The following TMC4 variants were observed in gnomAD, a reference collection of about 807,000 sequenced individuals.
TMC4 encodes the protein transmembrane channel like 4.
Under a neutral mutation model 82.0 loss-of-function variants are expected in TMC4, and 70 were observed. That is an observed-to-expected ratio of 0.85 (90% CI 0.70 to 1.04). The LOEUF (loss-of-function observed/expected upper bound fraction) is 1.04. Among genes scored for constraint, TMC4 ranks in the 50% least tolerant of loss-of-function variants. The pLI is 0.00. For synonymous variants in TMC4, 446 were observed against 406.0 expected, an observed-to-expected ratio of 1.10 and a Z score of -1.18; for missense variants, 879 against 899.0, an observed-to-expected ratio of 0.98 and a Z score of 0.28.
At chr19:54,167,825 G>A (rs535575328) in intron 5 of TMC4, among the ~76,000 whole-genome samples, 6 of 152,064 alleles carry the variant, frequency 3.9e-5, no homozygotes, top group Non-Finnish European at 5.9e-5. Context: ...CACTGTGGGA[G>A]GCCGAGGCGG....
chr19:54,161,408 G>C, intron 11 of TMC4, 148 bp from the exon 12 acceptor site: 1 of 917,646 alleles, frequency 1.1e-6, no homozygotes, highest in Non-Finnish European at 1.5e-6. Flanking sequence ...GCCCAGGCTG[G>C]AGTGCAGTGG....
rs1268168285 is a variant in TMC4, at chr19:54,168,881, T to C, written c.443-201A>G. Among the ~76,000 whole-genome samples the C allele has an allele frequency of 2.9e-3, 115 of 39,606 alleles. 2 individuals are homozygous for C. Among genetic ancestry groups the C allele is most frequent in the Middle Eastern group, 7.9e-3 (1 of 126 alleles). The allele number at this position is 39,606 out of a possible 152,430, so 26.0% of individuals were successfully genotyped here. A position where few individuals can be genotyped will look rare whatever the true frequency, so the allele number is the denominator to read the frequency against. On this transcript the variant is annotated intron_variant, in intron 3 of 14. Transcript: ENST00000619895. ...TCTTTTCTTTTCTTTTCTTTTCTTT[T>C]CTTTTCTTTCTTTCCTTTCTTTCTT...
rs1210475419 is a variant in TMC4, at chr19:54,165,557, A to C, written c.807T>G (p.Ser269=). 1.9e-6 allele frequency: 3 copies of C among 1,603,058 alleles called. No homozygotes were observed. The highest frequency in any genetic ancestry group is 1.3e-5 in the African/African-American group (1 of 74,780). Reference sequence around the variant, plus strand: ...CCGCCAGCAGTGTCTGCTTCAGCCCAGACACCGAGCTGAGAGGGGAGACCC... The same window carrying C: ...CCGCCAGCAGTGTCTGCTTCAGCCCCGACACCGAGCTGAGAGGGGAGACCC... ...CLLLILHRSV[S]GLKQTLLAES... The change falls in exon 6 of 15, where the codon TCT becomes TCG. Residue 269 remains serine, a synonymous_variant. Transcript: ENST00000619895.
chr19:54,161,048 G>A lies in TMC4; in HGVS notation c.1818-15C>T. 6.2e-7 allele frequency: 1 copy of A among 1,613,974 alleles called. No individual in the cohort carries two copies. Among genetic ancestry groups the A allele is most frequent in the Non-Finnish European group, 8.5e-7 (1 of 1,179,920 alleles). On this transcript the variant is annotated splice_polypyrimidine_tract_variant and intron_variant, in intron 12 of 14. Transcript: ENST00000619895. The stretch of plus-strand genomic sequence containing the variant: ...AAGGCGGGATCCTGAAGTCAAGACA[G>A]GCTGGGCTCACATAGTGCCAGGAGT...
chr19:54,161,365 G>C, intron 11 of TMC4, 105 bp from the exon 12 acceptor site: 1 of 1,280,840 alleles, frequency 7.8e-7, no homozygotes, highest in Non-Finnish European at 1.0e-6. Context: ...TGTCGCCCAG[G>C]CTTTTTTTTT....
At chr19:54,165,274 T>A in intron 6 of TMC4, 145 bp downstream of exon 6, 1 of 986,646 alleles carries the variant, frequency 1.0e-6, no homozygotes, top group East Asian at 2.7e-5. Flanking sequence ...CTCAACCTTC[T>A]CATTCCCCAG....
chr19:54,162,978 C>T, intron 9 of TMC4, 55 bp downstream of exon 9: 1 of 1,613,530 alleles, frequency 6.2e-7, no homozygotes, highest in Non-Finnish European at 8.5e-7. Flanking sequence ...ACCCACCCAG[C>T]TCCATCTTTC....
In TMC4 at chr19:54,161,337, T is replaced by G. The variant is rs868117668; in HGVS notation, c.1687-77A>C. On this transcript the variant is annotated intron_variant, in intron 11 of 14. Transcript: ENST00000619895. ...CTCCATTTTTTTTTTTTTTTTTTTT[T>G]GAGACAGAGTCTCGCTCTGTCGCCC... is the stretch of plus-strand genomic sequence containing the variant. The G allele has an allele frequency of 1.9e-3, 1,926 of 1,035,768 alleles. 13 individuals are homozygous for G. The African/African-American group carries it at 0.036, about 19-fold the overall frequency. 64.2% of individuals were successfully genotyped at this position (1,035,768 alleles called of 1,614,324 possible). A position where few individuals can be genotyped will look rare whatever the true frequency, so the allele number is the denominator to read the frequency against.
In TMC4 at chr19:54,168,895, C is replaced by T. The variant is rs1407089843; in HGVS notation, c.443-215G>A. Among the ~76,000 whole-genome samples, 133 of 16,148 alleles carry T rather than the reference C, an allele frequency of 8.2e-3. 13 individuals carry two copies. Among genetic ancestry groups the T allele is most frequent in the African/African-American group, 0.018 (51 of 2,842 alleles). The allele number at this position is 16,148 out of a possible 152,430, so 10.6% of individuals were successfully genotyped here. On this transcript the variant is annotated intron_variant, in intron 3 of 14. Coordinates refer to ENST00000619895, the MANE Select transcript of TMC4 (RefSeq NM_144686.4). The stretch of plus-strand genomic sequence containing the variant: ...TTCTTTTCTTTTCTTTTCTTTCTTT[C>T]CTTTCTTTCTTCTTTCTTTCCTTCC...
chr19:54,161,317 T>A (rs2075546758), intron 11 of TMC4, 57 bp from the exon 12 acceptor site: 4 of 87,190 alleles, frequency 4.6e-5, no homozygotes, highest in Non-Finnish European at 6.6e-5. Context: ...TGTGCCTCCA[T>A]TTTTTTTTTT....
At chr19:54,165,070 C>CTTTTTTTTTTT (rs34861271) in intron 6 of TMC4, among the ~76,000 whole-genome samples, 1 of 136,048 alleles carries the variant, frequency 7.4e-6, no homozygotes, top group African/African-American at 2.8e-5. Flanking sequence ...AAAAAACAAA[C>CTTTTTTTTTTT]TTTTTTTTTT....
chr19:54,162,589 A>C, intron 10 of TMC4, 84 bp downstream of exon 10: 1 of 1,123,154 alleles, frequency 8.9e-7, no homozygotes, highest in Non-Finnish European at 1.3e-6. Flanking sequence ...GAATGGTAAA[A>C]AGGTGCGCGG....
intron 5 of TMC4, 146 bp downstream of exon 5, chr19:54,168,025 T>C (rs2075746505): frequency 8.8e-6 from 9 of 1,020,206 alleles, no homozygotes; most frequent in Non-Finnish European, 1.1e-5. Context: ...ATTGCGCCAC[T>C]ACACTCTAGC....
chr19:54,168,809 TTTCTTTTCTTTTCTTTTCTTTTC>T, intron 3 of TMC4, 129 bp from the exon 4 acceptor site: 1 of 39,308 alleles, frequency 2.5e-5, no homozygotes, highest in Non-Finnish European at 3.7e-5. Context: ...TTTCTTTTCT[TTTCTTTTCTTTTCTTTTCTTTTC>T]TTTTCTTTTC....
At chr19:54,165,923 T>A (rs548050229) in intron 5 of TMC4, among the ~76,000 whole-genome samples, 38 of 149,640 alleles carry the variant, frequency 2.5e-4, no homozygotes, top group African/African-American at 9.4e-4. Context: ...CAGAGGGAGA[T>A]TCGGAGAAAG....
At chr19:54,170,246 G>A (rs2075851146) in intron 2 of TMC4, among the ~76,000 whole-genome samples, 1 of 151,552 alleles carries the variant, frequency 6.6e-6, no homozygotes, top group Non-Finnish European at 1.5e-5. Context: ...TGGAGTGGGA[G>A]GATCGCTTGA....
Position 54,171,948 on chromosome 19 carries a change from T to A in TMC4, c.215A>T (p.Glu72Val), listed in dbSNP as rs1370375891. Residue 72 changes from glutamate (E) to valine (V), a missense_variant, in exon 2 of 15, where the codon GAA becomes GTA. Coordinates refer to ENST00000619895, the MANE Select transcript of TMC4 (RefSeq NM_144686.4). ...DGGRSRKAFT[E>V]VTQTELQDPH... ...GTCCTGCAGCTCTGTCTGGGTGACTTCTGTGAAGGCCTTTCTGCTCCTTCC... is the reference window on the plus strand; with the variant it reads ...GTCCTGCAGCTCTGTCTGGGTGACTACTGTGAAGGCCTTTCTGCTCCTTCC... 6.2e-7 allele frequency: 1 copy of A among 1,613,674 alleles called. No homozygotes were observed. The highest frequency in any genetic ancestry group is 1.3e-5 in the African/African-American group (1 of 74,984).
intron 5 of TMC4, among the ~76,000 whole-genome samples, chr19:54,167,065 C>G (rs1036891766): frequency 6.6e-6 from 1 of 151,998 alleles, no homozygotes; most frequent in East Asian, 1.9e-4. Flanking sequence ...TTGAGCGCAG[C>G]CTGGGCAACA....
At chr19:54,164,730 A>G (rs1466150637) in intron 6 of TMC4, 129 bp from the exon 7 acceptor site, 3 of 1,230,718 alleles carry the variant, frequency 2.4e-6, no homozygotes, top group Middle Eastern at 2.0e-4. Flanking sequence ...CCCGCTAACA[A>G]CCTCTGCAGT....
Sources: allele counts gnomAD v4.1 joint callset (sites outside exome capture counted in the v4.1 genomes callset), GRCh38; gene constraint gnomAD v4.1.1; transcripts MANE v1.5; gene names NCBI Gene and HGNC (gene_info 2026-07-23, HGNC 2026-07-21).